Variants in MYO15B observed in about 807,000 individuals in gnomAD.
The protein encoded by MYO15B is myosin XVB, also known as myosin XVB pseudogene.
MYO15B carries 207 observed loss-of-function variants against 119.3 expected under a neutral mutation model. The ratio of observed to expected loss-of-function variants is 1.73; its 90% CI spans 1.55 to 1.95. The LOEUF (loss-of-function observed/expected upper bound fraction) is 1.95, where lower values mean the gene tolerates loss of function less well. MYO15B is among the 30% of genes most tolerant of loss of function. The pLI, the probability that MYO15B is intolerant of heterozygous loss-of-function variation, is 0.00. For synonymous variants in MYO15B, 966 were observed against 498.9 expected, an observed-to-expected ratio of 1.94 and a Z score of -12.48; for missense variants, 2,264 against 1,203.1, an observed-to-expected ratio of 1.88 and a Z score of -13.04.
Position 75,616,799 on chromosome 17 carries a change from G to C in MYO15B, c.6506+14G>C. 2.8e-6 allele frequency: 2 copies of C among 703,044 alleles called. No homozygotes were observed. The highest frequency in any genetic ancestry group is 5.2e-6 in the Non-Finnish European group (2 of 385,004). 43.6% of individuals were successfully genotyped at this position (703,044 alleles called of 1,614,324 possible). On this transcript the variant is annotated intron_variant, in intron 39 of 63. Coordinates refer to ENST00000645453, the Ensembl canonical transcript of MYO15B. ...GCAGCCATCCAGGTGGGCCCCCACGGGGAGGTGGCCAGGGCTGTCCCGCTC... is the reference window on the plus strand; with the variant it reads ...GCAGCCATCCAGGTGGGCCCCCACGCGGAGGTGGCCAGGGCTGTCCCGCTC...
intron 41 of MYO15B, 29 bp downstream of exon 41, chr17:75,617,333 G>C: frequency 3.3e-6 from 2 of 602,178 alleles, no homozygotes; most frequent in Admixed American, 5.9e-5. Context: ...CCTGCGCCGT[G>C]GGCTTCACTG....
intron 25 of MYO15B, 103 bp from the exon 26 acceptor site, chr17:75,612,695 C>T (rs995380276): frequency 3.1e-6 from 2 of 649,566 alleles, no homozygotes; most frequent in Non-Finnish European, 5.5e-6. Flanking sequence ...AGATGCATTT[C>T]TGTCCAGCCC....
intron 49 of MYO15B, 168 bp downstream of exon 49, chr17:75,620,804 A>G (rs983264001): frequency 2.9e-6 from 2 of 701,578 alleles, no homozygotes; most frequent in Admixed American, 4.0e-5. Flanking sequence ...CTCTCCAGCA[A>G]GACTGTGCAC....
chr17:75,601,611 C>T (rs1190647486), intron 15 of MYO15B, 48 bp downstream of exon 15: 1 of 689,782 alleles, frequency 1.4e-6, no homozygotes, highest in East Asian at 2.7e-5. Flanking sequence ...AGGGCAGTGT[C>T]CCCTCCCAAG....
intron 63 of MYO15B, 29 bp downstream of exon 63, chr17:75,626,257 C>G: frequency 1.4e-6 from 1 of 701,340 alleles, no homozygotes; most frequent in Non-Finnish European, 2.6e-6. Context: ...GGCCACCTTG[C>G]GAAGGTGGAT....
intron 19 of MYO15B, among the ~76,000 whole-genome samples, chr17:75,604,707 C>T (rs1001918564): frequency 5.3e-5 from 8 of 151,788 alleles, no homozygotes; most frequent in Non-Finnish European, 1.2e-4. Flanking sequence ...TGAGCTCCAG[C>T]GCAGAGACCC....
intron 29 of MYO15B, 170 bp from the exon 30 acceptor site, chr17:75,614,029 G>A (rs985557675): frequency 8.3e-6 from 5 of 603,260 alleles, no homozygotes; most frequent in Admixed American, 2.8e-5. Flanking sequence ...GTGGAGGGCC[G>A]TGAGGTGAGG....
In MYO15B at chr17:75,589,239, G is replaced by T. The variant is rs964987277; in HGVS notation, c.1182G>T (p.Glu394Asp). ...TGCGGCGGCGGCCGCCAGAGGGCGA[G>T]GGGCAGGGTACCGGGCCACGGGCGA... The change falls in exon 1 of 64, where the codon GAG becomes GAT. Residue 394 changes from glutamate to aspartate, a missense_variant. Coordinates refer to ENST00000645453, the Ensembl canonical transcript of MYO15B. This position sits in a 1 kb window ranked among gnomAD's most constrained non-coding sequence, Gnocchi z 4.2. 2 of 401,588 alleles carry T rather than the reference G, an allele frequency of 5.0e-6. No homozygotes were observed. The highest frequency in any genetic ancestry group is 8.7e-6 in the Non-Finnish European group (2 of 228,920). 24.9% of individuals were successfully genotyped at this position (401,588 alleles called of 1,614,324 possible).
Position 75,621,387 on chromosome 17 carries a change from C to G in MYO15B, c.7914C>G (p.Asp2638Glu). 4.3e-6 allele frequency: 3 copies of G among 701,464 alleles called. No homozygotes were observed. In the South Asian group the frequency reaches 4.4e-5, roughly 10 times the overall value. 43.5% of individuals were successfully genotyped at this position (701,464 alleles called of 1,614,324 possible). The stretch of plus-strand genomic sequence containing the variant: ...GAGGTGCCGCAGGAAAGGACACGGA[C>G]AGCCTGGTGCAGTACACCAAGGTGG... Residue 2638 changes from aspartate to glutamate, a missense_variant, in exon 51 of 64, where the codon GAC becomes GAG. Transcript: ENST00000645453.
At chr17:75,592,634 A>G (rs2056551161) in intron 8 of MYO15B, 45 bp from the exon 9 acceptor site, 3 of 668,224 alleles carry the variant, frequency 4.5e-6, no homozygotes, top group African/African-American at 3.5e-5. Context: ...GAGGGAGGCT[A>G]TGGGGTGGCA....
intron 25 of MYO15B, among the ~76,000 whole-genome samples, chr17:75,612,474 A>G (rs1197965043): frequency 6.6e-6 from 1 of 152,060 alleles, no homozygotes; most frequent in Non-Finnish European, 1.5e-5. Context: ...GGAGTTTGAG[A>G]CCGGCCTGGC....
At chr17:75,590,094 G>T (rs1022249015) in exon 1 of MYO15B, 1 of 399,044 alleles carries the variant, frequency 2.5e-6, no homozygotes, top group Admixed American at 4.4e-5. Flanking sequence ...TGAGGGAGCT[G>T]TGGGAACCCG....
At chr17:75,618,255 G>T in intron 43 of MYO15B, 70 bp downstream of exon 43, 1 of 698,554 alleles carries the variant, frequency 1.4e-6, no homozygotes, top group South Asian at 1.5e-5. Flanking sequence ...TTTGTCTAAT[G>T]GCTGGGCCAG....
chr17:75,624,594 C>T lies in MYO15B; in HGVS notation c.8497C>T (p.Pro2833Ser), dbSNP rs753478933. 7 of 702,960 alleles carry T rather than the reference C, an allele frequency of 1.0e-5. No individual in the cohort carries two copies. In the South Asian group the frequency reaches 1.0e-4, roughly 10 times the overall value. 43.5% of individuals were successfully genotyped at this position (702,960 alleles called of 1,614,324 possible). The change falls in exon 58 of 64, where the codon CCT becomes TCT. Residue 2833 changes from proline (P) to serine (S), a missense_variant. By Grantham distance (74) the Pro-to-Ser change is moderately conservative. Transcript: ENST00000645453. ...GTGCCGGCAAATGGGTATCACGGAG[C>T]CTCAGGAAGTGCAGGAATTCGCCCT...
chr17:75,602,851 G>T lies in MYO15B; in HGVS notation c.3751G>T (p.Glu1251Ter). 1 of 639,688 alleles carries T rather than the reference G, an allele frequency of 1.6e-6. No homozygotes were observed. 39.6% of individuals were successfully genotyped at this position (639,688 alleles called of 1,614,324 possible). Residue 1251 changes from glutamate (E) to a stop codon, truncating the protein, a stop_gained, in exon 17 of 64, where the codon GAG (glutamate) becomes TAG (stop). Coordinates refer to ENST00000645453, the Ensembl canonical transcript of MYO15B. LOFTEE classifies it high-confidence loss of function. ...ACAGCTGGTGGGCAGCCTGTTCCAGGAGGCAGAGCCCCAGTCCAGGGGAGG... is the reference window on the plus strand; with the variant it reads ...ACAGCTGGTGGGCAGCCTGTTCCAGTAGGCAGAGCCCCAGTCCAGGGGAGG...
At chr17:75,596,426 C>G in intron 12 of MYO15B, 34 bp from the exon 13 acceptor site, 1 of 702,592 alleles carries the variant, frequency 1.4e-6, no homozygotes, top group Non-Finnish European at 2.6e-6. Context: ...AGGGCACAGC[C>G]CCATGTGCCC....
At chr17:75,617,140 A>T in exon 41 of MYO15B, 1 of 685,716 alleles carries the variant, frequency 1.5e-6, no homozygotes. Flanking sequence ...CCTCGACCCA[A>T]GGCCCCGCTA....
chr17:75,598,489 A>G (rs1332483517), intron 14 of MYO15B, among the ~76,000 whole-genome samples: 1 of 147,930 alleles, frequency 6.8e-6, no homozygotes, highest in African/African-American at 2.5e-5. Context: ...GAGGCAGGAG[A>G]ATGGCGTGAG....
At chr17:75,610,125 T>G in intron 21 of MYO15B, 41 bp from the exon 22 acceptor site, 1 of 676,962 alleles carries the variant, frequency 1.5e-6, no homozygotes, top group Non-Finnish European at 2.7e-6. Context: ...AAGCATAAGT[T>G]TGGACTCTTC....
Sources: gnomAD v4.1 joint callset for allele counts (sites outside exome capture counted in the v4.1 genomes callset) on GRCh38, gnomAD v4.1.1 for gene constraint, Gnocchi (gnomAD v3.1) non-coding constraint, MANE v1.5 for transcripts, NCBI Gene and HGNC (gene_info 2026-07-23, HGNC 2026-07-21) for gene names.